Variants in PRKN observed in about 807,000 individuals in gnomAD.
PRKN encodes E3 ubiquitin-protein ligase parkin.
A neutral mutation model predicts 59.5 loss-of-function variants in PRKN; 56 were observed. That is an observed-to-expected ratio of 0.94 (90% CI 0.76 to 1.18). The LOEUF (loss-of-function observed/expected upper bound fraction) is 1.18, where lower values mean the gene tolerates loss of function less well. PRKN is among the 50% of genes most tolerant of loss of function. The probability of loss-of-function intolerance (pLI) is 0.00; values close to 1 mark genes in which losing one functional copy is unlikely to be tolerated. For missense variants in PRKN, 657 were observed against 596.4 expected (o/e 1.10, Z -1.06); for synonymous variants, 250 against 222.1 (o/e 1.13, Z -1.12).
intron 6 of PRKN, among the ~76,000 whole-genome samples, chr6:161,864,933 C>T (rs113883652): frequency 5.3e-5 from 8 of 152,106 alleles, no homozygotes; most frequent in African/African-American, 1.7e-4. Flanking sequence ...GGATTACAGG[C>T]GTGAACCATC....
intron 9 of PRKN, among the ~76,000 whole-genome samples, chr6:161,493,665 G>A (rs902038526): frequency 3.3e-5 from 5 of 152,340 alleles, no homozygotes; most frequent in South Asian, 4.1e-4. Context: ...AGGGAGGGAC[G>A]CTGGCAACAC....
intron 7 of PRKN, among the ~76,000 whole-genome samples, chr6:161,675,895 T>C (rs1011143512): frequency 3.3e-5 from 5 of 152,202 alleles, no homozygotes; most frequent in African/African-American, 1.2e-4. Context: ...AAAAGTAAAT[T>C]TGAAAATGCA....
intron 1 of PRKN, among the ~76,000 whole-genome samples, chr6:162,510,623 A>C (rs946386783): frequency 1.3e-5 from 2 of 152,054 alleles, no homozygotes; most frequent in East Asian, 3.9e-4. Flanking sequence ...TATCACCTTA[A>C]AACTTATTTA....
chr6:162,317,323 T>C (rs993427420), intron 2 of PRKN, among the ~76,000 whole-genome samples: 6 of 152,040 alleles, frequency 3.9e-5, no homozygotes, highest in East Asian at 2.0e-4. Context: ...ACGACTGTTT[T>C]ATAAATGTGA....
chr6:161,574,599 T>C (rs533047939), intron 7 of PRKN, among the ~76,000 whole-genome samples: 9 of 152,254 alleles, frequency 5.9e-5, no homozygotes, highest in Admixed American at 5.2e-4. Context: ...TTTCAACTTT[T>C]GAGATTCAAC....
intron 7 of PRKN, among the ~76,000 whole-genome samples, chr6:161,728,903 G>A (rs528924362): frequency 1.4e-4 from 21 of 152,208 alleles, no homozygotes; most frequent in African/African-American, 5.1e-4. Flanking sequence ...ATCTTCTTAC[G>A]CAGTGACCCC....
At position 162,054,131 on chromosome 6, in the gene PRKN, C is replaced by T. The variant is rs1018598457; in HGVS notation, c.578G>A (p.Ser193Asn). Reference sequence around the variant, plus strand: ...GCAGTGTGGGGATTGGCATTCACCACTCATCCGGTTTGGAATTAAAACATC... The same window carrying T: ...GCAGTGTGGGGATTGGCATTCACCATTCATCCGGTTTGGAATTAAAACATC... Reference protein sequence around the residue: ...WDDVLIPNRMSGECQSPHCPG... With the variant: ...WDDVLIPNRMNGECQSPHCPG... The change falls in exon 5 of 12, where the codon AGT becomes AAT. Residue 193 changes from serine (S) to asparagine (N), a missense_variant. Ser to Asn is a conservative substitution (Grantham distance 46). Coordinates refer to ENST00000366898, the MANE Select transcript of PRKN (RefSeq NM_004562.3). The T allele has an allele frequency of 6.2e-7, 1 of 1,613,718 alleles. No individual in the cohort carries two copies. Among genetic ancestry groups the T allele is most frequent in the Non-Finnish European group, 8.5e-7 (1 of 1,179,622 alleles).
chr6:162,069,149 TGGGAGGCACCTA>T (rs869282574), intron 4 of PRKN, among the ~76,000 whole-genome samples: 29 of 152,130 alleles, frequency 1.9e-4, no homozygotes, highest in African/African-American at 5.8e-4. Context: ...CCACGTGTTG[TGGGAGGCACCTA>T]GAAGGAGGTA....
intron 7 of PRKN, among the ~76,000 whole-genome samples, chr6:161,746,308 A>G (rs1421223868): frequency 6.6e-6 from 1 of 151,848 alleles, no homozygotes; most frequent in African/African-American, 2.4e-5. Context: ...ATTGAGTAAG[A>G]CTTCCCAGAG....
intron 6 of PRKN, 152 bp downstream of exon 6, chr6:161,973,150 A>G: frequency 1.5e-6 from 1 of 670,452 alleles, no homozygotes; most frequent in Non-Finnish European, 2.7e-6. Flanking sequence ...GACGCATCAA[A>G]ATAAAGCAGA....
Position 162,109,781 on chromosome 6 carries a change from T to G in PRKN, c.535-55607A>C, listed in dbSNP as rs57916632. Among the ~76,000 whole-genome samples, 445 of 152,304 alleles carry G rather than the reference T, an allele frequency of 2.9e-3. 14 individuals are homozygous for G. In the East Asian group the frequency reaches 0.058, roughly 20 times the overall value. On this transcript the variant is annotated intron_variant, in intron 4 of 11. Transcript: ENST00000366898. ...ATGAGCACTTATACAAAGATTGCTTTTTATTTCATTTACCGCCTTCTCAGC... is the reference window on the plus strand; with the variant it reads ...ATGAGCACTTATACAAAGATTGCTTGTTATTTCATTTACCGCCTTCTCAGC...
chr6:161,718,260 C>G (rs1389536179), intron 7 of PRKN, among the ~76,000 whole-genome samples: 1 of 152,054 alleles, frequency 6.6e-6, no homozygotes, highest in African/African-American at 2.4e-5. Flanking sequence ...GCGTCCATAG[C>G]AATCACCAAG....
chr6:162,666,330 G>A (rs541753109), intron 1 of PRKN, among the ~76,000 whole-genome samples: 1 of 152,108 alleles, frequency 6.6e-6, no homozygotes, highest in South Asian at 2.1e-4. Flanking sequence ...CACTGATCTG[G>A]GGAAAATAAG....
chr6:162,131,997 G>T (rs1781381190), intron 4 of PRKN, among the ~76,000 whole-genome samples: 2 of 152,196 alleles, frequency 1.3e-5, no homozygotes, highest in African/African-American at 4.8e-5. Context: ...ATGGTTAACT[G>T]ATCACTTACA....
chr6:161,772,903 C>A (rs1369373715), intron 7 of PRKN, among the ~76,000 whole-genome samples: 1 of 152,030 alleles, frequency 6.6e-6, no homozygotes, highest in Admixed American at 6.6e-5. Context: ...AGGAGTATTA[C>A]TGGAATTTAG....
chr6:162,336,618 A>G (rs567183065), intron 2 of PRKN, among the ~76,000 whole-genome samples: 1 of 152,352 alleles, frequency 6.6e-6, no homozygotes, highest in South Asian at 2.1e-4. Flanking sequence ...TTGAGATTGC[A>G]TGTGAGCGGG....
At chr6:162,235,954 A>AAGG (rs1562602190) in intron 3 of PRKN, among the ~76,000 whole-genome samples, 31 of 77,168 alleles carry the variant, frequency 4.0e-4, no homozygotes, top group Admixed American at 1.8e-3. Flanking sequence ...AGGAAGGAAG[A>AAGG]AAGGAAGAAA....
At chr6:161,827,508 A>G (rs374188012) in intron 6 of PRKN, among the ~76,000 whole-genome samples, 3 of 109,464 alleles carry the variant, frequency 2.7e-5, no homozygotes, top group Admixed American at 2.0e-4. Flanking sequence ...AATTGATTTT[A>G]CTTTTTTTTT....
chr6:161,351,124 AT>A (rs1383782903), intron 11 of PRKN, among the ~76,000 whole-genome samples: 2 of 126,852 alleles, frequency 1.6e-5, no homozygotes, highest in African/African-American at 6.0e-5. Context: ...ATATAAATAT[AT>A]TTTTATATAT....
Sources: allele counts gnomAD v4.1 joint callset (sites outside exome capture counted in the v4.1 genomes callset), GRCh38; gene constraint gnomAD v4.1.1; transcripts MANE v1.5; gene names NCBI Gene and HGNC (gene_info 2026-07-23, HGNC 2026-07-21).